Variants in SDK1 observed in about 807,000 individuals in gnomAD.
SDK1 encodes sidekick cell adhesion molecule 1.
In SDK1, 157 loss-of-function variants were observed where a neutral mutation model predicts 245.5. That is an observed-to-expected ratio of 0.64 (90% CI 0.56 to 0.73). The LOEUF is 0.73. SDK1 is among the 30% of genes least tolerant of loss of function. The pLI is 0.00. For synonymous variants in SDK1, 1,647 were observed against 1,278.5 expected (o/e 1.29, Z -6.15); for missense variants, 3,583 against 3,002.3 (o/e 1.19, Z -4.52).
intron 14 of SDK1, among the ~76,000 whole-genome samples, chr7:4,004,525 A>T (rs1192398806): frequency 6.6e-6 from 1 of 152,190 alleles, no homozygotes; most frequent in Admixed American, 6.5e-5. Flanking sequence ...CAGTTATAAA[A>T]TGCTCCATGC....
chr7:4,057,159 A>T (rs770573059), intron 19 of SDK1, among the ~76,000 whole-genome samples: 1 of 151,880 alleles, frequency 6.6e-6, no homozygotes, highest in Non-Finnish European at 1.5e-5. Context: ...AGCCCTACCA[A>T]GTGTTCTGCC....
chr7:3,991,346 C>G (rs1784300638), intron 14 of SDK1, among the ~76,000 whole-genome samples: 1 of 152,128 alleles, frequency 6.6e-6, no homozygotes, highest in African/African-American at 2.4e-5. Context: ...TCAAATATCA[C>G]TTCTGCAAGT....
At position 4,134,135 on chromosome 7, in the gene SDK1, AG is replaced by A. The variant is rs369594875; in HGVS notation, c.4228+1713del. On this transcript the variant is annotated intron_variant, in intron 28 of 44. Transcript: ENST00000404826. Reference sequence around the variant, plus strand: ...TATTTATTGAGCCCTTGCTTCCCTGAGAGGGGGCCTGGAGCTTCCTAAGTCT... The same window carrying A: ...TATTTATTGAGCCCTTGCTTCCCTGAAGGGGGCCTGGAGCTTCCTAAGTCT... Among the ~76,000 whole-genome samples the A allele has an allele frequency of 8.1e-3, 1,239 of 152,262 alleles. 15 individuals are homozygous for A. The highest frequency in any genetic ancestry group is 0.029 in the African/African-American group (1,187 of 41,548).
intron 4 of SDK1, among the ~76,000 whole-genome samples, chr7:3,645,484 C>T (rs577516453): frequency 5.3e-5 from 8 of 152,220 alleles, no homozygotes; most frequent in African/African-American, 1.7e-4. Context: ...ATTTATACAT[C>T]GTCCAAAGAC....
chr7:4,178,087 G>A (rs1386679697), intron 34 of SDK1, among the ~76,000 whole-genome samples: 1 of 152,206 alleles, frequency 6.6e-6, no homozygotes, highest in Non-Finnish European at 1.5e-5. Context: ...GCGAGGGATG[G>A]GGAGCAACTG....
intron 35 of SDK1, among the ~76,000 whole-genome samples, chr7:4,200,850 G>C (rs1332600794): frequency 1.3e-5 from 2 of 152,232 alleles, no homozygotes; most frequent in Non-Finnish European, 2.9e-5. Flanking sequence ...CAGCTCAGGG[G>C]CCAAATCCAG....
chr7:3,425,467 T>C (rs1435893171), intron 1 of SDK1, among the ~76,000 whole-genome samples: 2 of 152,224 alleles, frequency 1.3e-5, no homozygotes, highest in South Asian at 4.1e-4. Flanking sequence ...ATAACTAAAA[T>C]ATAACTTAAT....
chr7:4,191,154 C>A (rs1216705415), intron 35 of SDK1, among the ~76,000 whole-genome samples: 1 of 152,168 alleles, frequency 6.6e-6, no homozygotes, highest in East Asian at 1.9e-4. Flanking sequence ...CCTGCCAGGC[C>A]AACCCCGCGG....
rs182192546 is a variant in SDK1, at chr7:3,862,384, T to C, written c.847+40801T>C. On this transcript the variant is annotated intron_variant, in intron 5 of 44. Coordinates refer to ENST00000404826, the MANE Select transcript of SDK1 (RefSeq NM_152744.4). ...CAGGCTGGTGCAGTCTCGGTCTGTG[T>C]TGTTGTGGCACAGCGAGCAAATCTT... is the stretch of plus-strand genomic sequence containing the variant. 1.8e-3 allele frequency among the ~76,000 whole-genome samples: 280 copies of C among 152,310 alleles called. 5 individuals carry two copies. In the South Asian group the frequency reaches 0.029, roughly 16 times the overall value.
chr7:3,494,210 CTTTTA>C (rs555254824), intron 1 of SDK1, among the ~76,000 whole-genome samples: 353 of 152,156 alleles, frequency 2.3e-3, no homozygotes, highest in African/African-American at 7.6e-3. Context: ...CTTTTAGGAG[CTTTTA>C]TTTTGAGTCA....
chr7:3,355,496 A>G (rs1780765936), intron 1 of SDK1, among the ~76,000 whole-genome samples: 1 of 152,174 alleles, frequency 6.6e-6, no homozygotes, highest in Non-Finnish European at 1.5e-5. Flanking sequence ...CCATTTGTAA[A>G]TTTAAATCTT....
At chr7:3,782,519 T>C (rs1454370211) in intron 4 of SDK1, among the ~76,000 whole-genome samples, 1 of 152,108 alleles carries the variant, frequency 6.6e-6, no homozygotes, top group East Asian at 1.9e-4. Context: ...AGGCACATAG[T>C]AATACAATTA....
At chr7:3,593,421 A>C (rs969365532) in intron 1 of SDK1, among the ~76,000 whole-genome samples, 9 of 152,158 alleles carry the variant, frequency 5.9e-5, no homozygotes, top group African/African-American at 2.2e-4. Flanking sequence ...CTCCAAACCT[A>C]GCTTTACTCA....
At chr7:4,188,545 G>A (rs1469032593) in intron 35 of SDK1, among the ~76,000 whole-genome samples, 1 of 151,924 alleles carries the variant, frequency 6.6e-6, no homozygotes, top group Non-Finnish European at 1.5e-5. Context: ...TAATTTTATT[G>A]TGTTTAAGTG....
rs565608647 is a variant in SDK1, at chr7:3,387,805, T to C, written c.298+85921T>C. Among the ~76,000 whole-genome samples the C allele has an allele frequency of 3.9e-5, 6 of 152,310 alleles. 1 individual carries two copies. The highest frequency in any genetic ancestry group is 1.3e-4 in the Admixed American group (2 of 15,292). ...AATACTTGATAAAGTCCATGCAGTG[T>C]TTACTACATGTCAGTACCATTTTGA... On this transcript the variant is annotated intron_variant, in intron 1 of 44. Coordinates refer to ENST00000404826, the MANE Select transcript of SDK1 (RefSeq NM_152744.4).
intron 5 of SDK1, among the ~76,000 whole-genome samples, chr7:3,932,801 T>C (rs1019183694): frequency 4.6e-5 from 7 of 152,122 alleles, no homozygotes; most frequent in Admixed American, 4.6e-4. Flanking sequence ...TTCCCAGAGA[T>C]AGACAGGAGA....
At chr7:3,629,022 G>T (rs1782203771) in intron 2 of SDK1, among the ~76,000 whole-genome samples, 2 of 152,008 alleles carry the variant, frequency 1.3e-5, no homozygotes, top group South Asian at 4.2e-4. Context: ...GCCAAGCGCA[G>T]TGGCTCACAC....
intron 1 of SDK1, among the ~76,000 whole-genome samples, chr7:3,413,084 A>T (rs922487323): frequency 6.6e-6 from 1 of 152,128 alleles, no homozygotes; most frequent in Non-Finnish European, 1.5e-5. Flanking sequence ...AATTAGAAGG[A>T]GTATACTGGT....
At chr7:3,390,483 C>A (rs937458184) in intron 1 of SDK1, among the ~76,000 whole-genome samples, 1 of 152,116 alleles carries the variant, frequency 6.6e-6, no homozygotes, top group Non-Finnish European at 1.5e-5. Flanking sequence ...AATAGTGTCA[C>A]CCCAGAAAAG....
Sources: allele counts gnomAD v4.1 joint callset (sites outside exome capture counted in the v4.1 genomes callset), GRCh38; gene constraint gnomAD v4.1.1; transcripts MANE v1.5; gene names NCBI Gene and HGNC (gene_info 2026-07-23, HGNC 2026-07-21).